Variants in GMPR2 observed in about 807,000 individuals in gnomAD.
GMPR2 encodes guanosine monophosphate reductase 2, also known as GMP reductase 2.
In GMPR2, 32 loss-of-function variants were observed where a neutral mutation model predicts 38.5. That is an observed-to-expected ratio of 0.83 (90% CI 0.63 to 1.12). The LOEUF is 1.12. Ranked by LOEUF, GMPR2 falls within the 50% of genes most tolerant of loss-of-function variation. The probability of loss-of-function intolerance (pLI) is 0.00; values close to 1 mark genes in which losing one functional copy is unlikely to be tolerated. For synonymous variants in GMPR2, 154 were observed against 151.0 expected, an observed-to-expected ratio of 1.02 and a Z score of -0.15; for missense variants, 396 against 432.1, an observed-to-expected ratio of 0.92 and a Z score of 0.74.
At chr14:24,236,988 G>A (rs2040373980) in intron 5 of GMPR2, 83 bp from the exon 6 acceptor site, 5 of 1,027,364 alleles carry the variant, frequency 4.9e-6, no homozygotes, top group Middle Eastern at 2.1e-4. Flanking sequence ...ATGTTGGAAA[G>A]TCATGGTCCA....
At chr14:24,232,926 A>ATCTT, upstream of GMPR2, 1 of 452,978 alleles carries the variant, frequency 2.2e-6, no homozygotes, top group South Asian at 3.1e-5. Flanking sequence ...CCCCTAAATC[A>ATCTT]GCCTCTTGCC....
Position 24,236,091 on chromosome 14 carries a change from T to C in GMPR2, c.416T>C (p.Val139Ala). 1 of 1,614,150 alleles carries C rather than the reference T, an allele frequency of 6.2e-7. No individual in the cohort carries two copies. The highest frequency in any genetic ancestry group is 8.5e-7 in the Non-Finnish European group (1 of 1,179,962). ...DVANGYSEHF[V>A]EFVKDVRKRF... ...GCAAATGGCTACTCTGAACACTTTG[T>C]TGAATTTGTAAAAGATGTACGGAAG... Residue 139 changes from valine (V) to alanine (A), a missense_variant, in exon 5 of 10, where the codon GTT (valine) becomes GCT (alanine). Transcript: ENST00000399440.
At chr14:24,237,702 G>T (rs2040414403) in intron 8 of GMPR2, 140 bp downstream of exon 8, 2 of 785,770 alleles carry the variant, frequency 2.5e-6, no homozygotes, top group Non-Finnish European at 4.2e-6. Context: ...GAAGTCTATG[G>T]TATCATCTGG....
At chr14:24,238,540 G>A in intron 9 of GMPR2, 49 bp from the exon 10 acceptor site, 2 of 1,614,032 alleles carry the variant, frequency 1.2e-6, no homozygotes, top group Non-Finnish European at 1.7e-6. Flanking sequence ...AAGTCCCTGG[G>A]CTTAAGGAAT....
In GMPR2 at chr14:24,238,718, G is replaced by A; in HGVS notation, c.987G>A (p.Arg329=). ...VGAAKLKELS[R]RTTFIRVTQQ... is the part of the protein sequence containing the mutation. The stretch of plus-strand genomic sequence containing the variant: ...CAGCTAAGCTCAAAGAGTTGAGCAG[G>A]AGAACTACCTTCATCCGAGTCACCC... The change falls in exon 10 of 10, where the codon AGG becomes AGA. Residue 329 remains arginine (R), a synonymous_variant. Transcript: ENST00000399440. The A allele has an allele frequency of 6.2e-6, 10 of 1,613,964 alleles. No individual in the cohort carries two copies. The highest frequency in any genetic ancestry group is 7.6e-6 in the Non-Finnish European group (9 of 1,179,920).
chr14:24,235,918 T>C lies in GMPR2; in HGVS notation c.292-49T>C, dbSNP rs757868918. 8.1e-6 allele frequency: 13 copies of C among 1,600,246 alleles called. No individual in the cohort carries two copies. The East Asian group carries it at 2.9e-4, about 36-fold the overall frequency. On this transcript the variant is annotated intron_variant, in intron 4 of 9. Coordinates refer to ENST00000399440, the MANE Select transcript of GMPR2 (RefSeq NM_001002002.3). ...CAGCACTCACCAATGACCCACTGGCTGCCCACCAGATCATCTCTGATATGC... is the reference window on the plus strand; with the variant it reads ...CAGCACTCACCAATGACCCACTGGCCGCCCACCAGATCATCTCTGATATGC...
At position 24,236,276 on chromosome 14, in the gene GMPR2, A is replaced by G. The variant is rs181946393; in HGVS notation, c.465+136A>G. 3.9e-4 allele frequency: 280 copies of G among 720,388 alleles called. No individual in the cohort carries two copies. The Middle Eastern group carries it at 7.3e-3, about 19-fold the overall frequency. The allele number at this position is 720,388 out of a possible 1,614,324, so 44.6% of individuals were successfully genotyped here. On this transcript the variant is annotated intron_variant, in intron 5 of 9. Coordinates refer to ENST00000399440, the MANE Select transcript of GMPR2 (RefSeq NM_001002002.3). ...TAATCATGATACTGGATGATTATCC[A>G]TAGTTCTAAGCTGAAAATGTCTATT... is the stretch of plus-strand genomic sequence containing the variant.
At chr14:24,233,749 C>G (rs1468669116) in intron 3 of GMPR2, 151 bp downstream of exon 3, 1 of 819,644 alleles carries the variant, frequency 1.2e-6, no homozygotes, top group Non-Finnish European at 2.0e-6. Flanking sequence ...CTACTGAAGC[C>G]CTTTATCTGA....
chr14:24,233,778 T>C, intron 3 of GMPR2, 180 bp downstream of exon 3: 1 of 688,630 alleles, frequency 1.5e-6, no homozygotes. Flanking sequence ...AAAGGCCATC[T>C]GAATTAGTGA....
rs1017553165 is a variant in GMPR2 at position 24,238,184 on chromosome 14, A to T, written c.698-62A>T. The T allele has an allele frequency of 2.4e-5, 35 of 1,431,390 alleles. No individual in the cohort carries two copies. In the Admixed American group the frequency reaches 6.9e-4, roughly 28 times the overall value. 88.7% of individuals were successfully genotyped at this position (1,431,390 alleles called of 1,614,324 possible). Reference sequence around the variant, plus strand: ...GAGAATATGGTGTGAGTTGCTTTTGAGGGTGGCCATGTGAGCACCTTGGCC... The same window carrying T: ...GAGAATATGGTGTGAGTTGCTTTTGTGGGTGGCCATGTGAGCACCTTGGCC... On this transcript the variant is annotated intron_variant, in intron 8 of 9. Transcript: ENST00000399440.
rs1246144235 is a variant in GMPR2 at position 24,235,790 on chromosome 14, G to C, written c.261G>C (p.Glu87Asp). The C allele has an allele frequency of 6.2e-7, 1 of 1,613,586 alleles. No individual in the cohort carries two copies. The highest frequency in any genetic ancestry group is 1.3e-5 in the African/African-American group (1 of 74,912). ...HKHYSLVQWQ[E>D]FAGQNPDCLE... ...ACTATAGCCTCGTTCAGTGGCAAGAGTTTGCTGGCCAGAATCCTGACTGTC... is the reference window on the plus strand; with the variant it reads ...ACTATAGCCTCGTTCAGTGGCAAGACTTTGCTGGCCAGAATCCTGACTGTC... Residue 87 changes from glutamate to aspartate, a missense_variant, in exon 4 of 10, where the codon GAG (glutamate) becomes GAC (aspartate). Transcript: ENST00000399440.
chr14:24,233,341 G>T lies in GMPR2; in HGVS notation c.87+1G>T. 1 of 1,614,044 alleles carries T rather than the reference G, an allele frequency of 6.2e-7. No homozygotes were observed. The highest frequency in any genetic ancestry group is 1.1e-5 in the South Asian group (1 of 91,076). ...CAGTACCCTTAAGTCTCGAAGTGAG[G>T]TGAGCAAGCTTCTCTACTTGCTGTT... On this transcript the variant is annotated splice_donor_variant, in intron 2 of 9. Transcript: ENST00000399440. LOFTEE classifies it high-confidence loss of function.
chr14:24,233,099 C>A, intron 1 of GMPR2, 120 bp from the exon 2 acceptor site: 1 of 1,316,306 alleles, frequency 7.6e-7, no homozygotes, highest in Non-Finnish European at 1.1e-6. Flanking sequence ...TGACAGGCTT[C>A]AGGGACCACA....
chr14:24,238,371 A>G lies in GMPR2; in HGVS notation c.823A>G (p.Met275Val). Residue 275 changes from methionine to valine, a missense_variant, in exon 9 of 10, where the codon ATG becomes GTG. Transcript: ENST00000399440. ...LFYGMSSEMA[M>V]KKYAGGVAEY... Reference sequence around the variant, plus strand: ...CTATGGAATGAGTTCTGAAATGGCCATGAAGAAGTATGCTGGGGGCGTGGC... The same window carrying G: ...CTATGGAATGAGTTCTGAAATGGCCGTGAAGAAGTATGCTGGGGGCGTGGC... The G allele has an allele frequency of 6.2e-7, 1 of 1,614,140 alleles. No individual in the cohort carries two copies. Among genetic ancestry groups the G allele is most frequent in the Non-Finnish European group, 8.5e-7 (1 of 1,180,038 alleles).
intron 3 of GMPR2, chr14:24,233,832 A>G: frequency 1.6e-6 from 1 of 614,940 alleles, no homozygotes. Flanking sequence ...ATATATGAAC[A>G]GAATTTTCCC....
intron 8 of GMPR2, 154 bp downstream of exon 8, chr14:24,237,716 A>G (rs1009171724): frequency 7.1e-6 from 5 of 707,880 alleles, no homozygotes; most frequent in African/African-American, 5.3e-5. Flanking sequence ...CATCTGGGGC[A>G]GCCAGCAGGG....
intron 3 of GMPR2, chr14:24,233,853 T>C: frequency 3.5e-6 from 2 of 576,952 alleles, no homozygotes; most frequent in Non-Finnish European, 3.0e-6. Flanking sequence ...TTTTGTCCTG[T>C]TTAGCAGTTT....
intron 4 of GMPR2, 53 bp downstream of exon 4, chr14:24,235,873 T>C: frequency 6.3e-7 from 1 of 1,587,716 alleles, no homozygotes; most frequent in South Asian, 1.1e-5. Flanking sequence ...CCAGCAATTA[T>C]ATTTTGGCTT....
At chr14:24,235,348 C>T (rs547769507) in intron 3 of GMPR2, 2 of 224,734 alleles carry the variant, frequency 8.9e-6, no homozygotes, top group South Asian at 7.9e-5. Context: ...ACTAGGTTAC[C>T]TTAGGAGGAG....
Sources: allele counts gnomAD v4.1 joint callset, GRCh38; gene constraint gnomAD v4.1.1; transcripts MANE v1.5; gene names NCBI Gene and HGNC (gene_info 2026-07-23, HGNC 2026-07-21).